SWT1: variants seen among roughly 807,000 people sequenced by gnomAD.
SWT1 encodes transcriptional protein SWT1.
A neutral mutation model predicts 107.3 loss-of-function variants in SWT1; 33 were observed. The ratio of observed to expected loss-of-function variants is 0.31; its 90% confidence interval spans 0.23 to 0.41. SWT1 has a LOEUF of 0.41. SWT1 is among the 10% of genes least tolerant of loss of function. SWT1 has a pLI of 1.00. For missense variants in SWT1, 898 were observed against 1,028.9 expected (o/e 0.87, Z 1.74); for synonymous variants, 345 against 348.3 (o/e 0.99, Z 0.11).
intron 18 of SWT1, among the ~76,000 whole-genome samples, chr1:185,280,661 AG>A (rs1276756806): frequency 6.6e-6 from 1 of 152,172 alleles, no homozygotes; most frequent in African/African-American, 2.4e-5. Context: ...GAGGGGCTCC[AG>A]GTTGAGTTAA....
At chr1:185,179,406 T>C (rs1655838321) in intron 5 of SWT1, among the ~76,000 whole-genome samples, 1 of 152,232 alleles carries the variant, frequency 6.6e-6, no homozygotes, top group Admixed American at 6.5e-5. Flanking sequence ...CTGTCACCTG[T>C]ATGTAGGGTC....
In SWT1 at chr1:185,204,769, G is replaced by T. The variant is rs1658176392; in HGVS notation, c.1739G>T (p.Ser580Ile). Residue 580 changes from serine (S) to isoleucine (I), a missense_variant, in exon 12 of 19, where the codon AGC becomes ATC. Physicochemically the swap from Ser to Ile is moderately radical, Grantham distance 142. Around this residue, in one of 6 missense-constraint regions of SWT1, gnomAD observed 382 missense variants for 460.0 expected, o/e 0.83. Coordinates refer to ENST00000367500, the MANE Select transcript of SWT1 (RefSeq NM_017673.7). ...TNSGLSILLESIVSDLEKSLG... is the reference protein window; with the variant it reads ...TNSGLSILLEIIVSDLEKSLG... ...TCTGGACTGTCCATTCTGCTTGAGAGCATTGTATCTGATCTTGAAAAATCT... is the reference window on the plus strand; with the variant it reads ...TCTGGACTGTCCATTCTGCTTGAGATCATTGTATCTGATCTTGAAAAATCT... 1.3e-6 allele frequency: 2 copies of T among 1,597,948 alleles called. No homozygotes were observed. The highest frequency in any genetic ancestry group is 2.7e-5 in the African/African-American group (2 of 74,124).
intron 10 of SWT1, among the ~76,000 whole-genome samples, chr1:185,201,908 C>T (rs1478521797): frequency 6.6e-6 from 1 of 152,180 alleles, no homozygotes; most frequent in Non-Finnish European, 1.5e-5. Context: ...CTTCTGCCTA[C>T]ATTCTGTTGC....
intron 1 of SWT1, among the ~76,000 whole-genome samples, chr1:185,158,132 C>A (rs1211209457): frequency 1.3e-5 from 2 of 152,276 alleles, no homozygotes; most frequent in East Asian, 3.9e-4. Flanking sequence ...AGTTGATAAA[C>A]GCCAATCTTC....
intron 16 of SWT1, among the ~76,000 whole-genome samples, chr1:185,256,007 C>T (rs1261728349): frequency 1.3e-5 from 2 of 151,822 alleles, no homozygotes; most frequent in Non-Finnish European, 2.9e-5. Context: ...ATTTGCTTGT[C>T]TGTAAAGTAT....
intron 15 of SWT1, among the ~76,000 whole-genome samples, chr1:185,223,722 GT>G (rs1659846099): frequency 6.6e-6 from 1 of 152,104 alleles, no homozygotes; most frequent in Non-Finnish European, 1.5e-5. Context: ...ATGGGAGTTT[GT>G]TGTACAGATT....
At chr1:185,177,133 G>C (rs1655639183) in intron 5 of SWT1, 1 of 741,582 alleles carries the variant, frequency 1.3e-6, no homozygotes, top group Admixed American at 6.3e-5. Context: ...GGCAAGAATT[G>C]AGTTTGAATT....
chr1:185,273,789 GATTCATATAATT>G (rs1664054949), intron 17 of SWT1, among the ~76,000 whole-genome samples: 1 of 152,146 alleles, frequency 6.6e-6, no homozygotes, highest in Admixed American at 6.6e-5. Context: ...CTTTTGAAAT[GATTCATATAATT>G]ATTTCATCTT....
chr1:185,171,616 G>A (rs1239880897), intron 4 of SWT1: 14 of 514,860 alleles, frequency 2.7e-5, no homozygotes, highest in East Asian at 2.0e-4. Context: ...TCCATGATCC[G>A]TCTTCTATGG....
chr1:185,262,006 G>A (rs1663052362), intron 16 of SWT1, among the ~76,000 whole-genome samples: 1 of 152,054 alleles, frequency 6.6e-6, no homozygotes, highest in African/African-American at 2.4e-5. Context: ...GTAAATGGTG[G>A]GAGGATACGA....
At chr1:185,229,926 G>A (rs1571565199) in intron 15 of SWT1, among the ~76,000 whole-genome samples, 2 of 152,130 alleles carry the variant, frequency 1.3e-5, no homozygotes, top group Admixed American at 6.6e-5. Context: ...GTTTGGCGGG[G>A]CAAGAGGAGA....
At chr1:185,229,924 G>A (rs1395891029) in intron 15 of SWT1, among the ~76,000 whole-genome samples, 1 of 152,092 alleles carries the variant, frequency 6.6e-6, no homozygotes, top group Admixed American at 6.6e-5. Flanking sequence ...GGGTTTGGCG[G>A]GGCAAGAGGA....
rs748125249 is a variant in SWT1 at position 185,184,792 on chromosome 1, A to G, written c.1290A>G (p.Leu430=). ...TTCCCTGGGTCGTTATGCAAGAGCT[A>G]GATCGTATGAAGGAAGGAAAACTAC... ...LIIPWVVMQE[L]DRMKEGKLLK... is the part of the protein sequence containing the mutation. The change falls in exon 9 of 19, where the codon CTA becomes CTG. Residue 430 remains leucine (L), a synonymous_variant. Coordinates refer to ENST00000367500, the MANE Select transcript of SWT1 (RefSeq NM_017673.7). 18 of 1,608,994 alleles carry G rather than the reference A, an allele frequency of 1.1e-5. 1 individual carries two copies. Among genetic ancestry groups the G allele is most frequent in the Non-Finnish European group, 1.4e-5 (16 of 1,178,054 alleles).
chr1:185,208,383 GATTGAGCA>G (rs1305624159), intron 13 of SWT1, among the ~76,000 whole-genome samples: 2 of 152,152 alleles, frequency 1.3e-5, no homozygotes, highest in East Asian at 3.8e-4. Flanking sequence ...GATGATAAGA[GATTGAGCA>G]ATATAAAAAG....
chr1:185,255,116 C>G (rs1373865342), intron 16 of SWT1, among the ~76,000 whole-genome samples: 7 of 152,070 alleles, frequency 4.6e-5, no homozygotes, highest in Non-Finnish European at 7.4e-5. Context: ...ATCCTGAGTT[C>G]TAGTTTGATT....
chr1:185,173,446 C>T (rs1655262081), intron 4 of SWT1, among the ~76,000 whole-genome samples: 1 of 150,260 alleles, frequency 6.7e-6, no homozygotes, highest in African/African-American at 2.5e-5. Context: ...GTAGCCTCAG[C>T]ACACTGGGGA....
chr1:185,213,917 A>G (rs575462964), intron 13 of SWT1, among the ~76,000 whole-genome samples: 1 of 152,304 alleles, frequency 6.6e-6, no homozygotes, highest in South Asian at 2.1e-4. Flanking sequence ...TTACAGGAAA[A>G]AAATTCTGCA....
intron 16 of SWT1, among the ~76,000 whole-genome samples, chr1:185,265,065 T>C (rs1663277714): frequency 6.6e-6 from 1 of 152,146 alleles, no homozygotes; most frequent in African/African-American, 2.4e-5. Flanking sequence ...ATAAAAGATT[T>C]CTAGTATTCT....
intron 16 of SWT1, among the ~76,000 whole-genome samples, chr1:185,242,992 A>G (rs951782918): frequency 1.3e-5 from 2 of 152,238 alleles, no homozygotes; most frequent in Admixed American, 1.3e-4. Flanking sequence ...ACAAGTATGT[A>G]TAGTAAGTAT....
Sources: gnomAD v4.1 joint callset for allele counts (sites outside exome capture counted in the v4.1 genomes callset) on GRCh38, gnomAD v4.1.1 for gene constraint, gnomAD v4.1.1 regional missense constraint, MANE v1.5 for transcripts, NCBI Gene and HGNC (gene_info 2026-07-23, HGNC 2026-07-21) for gene names.